The following EBF1 variants were observed in gnomAD, a reference collection of about 807,000 sequenced individuals.
The protein encoded by EBF1 is transcription factor COE1.
Under a neutral mutation model 68.4 loss-of-function variants are expected in EBF1, and 10 were observed. The ratio of observed to expected loss-of-function variants is 0.15; its 90% CI spans 0.09 to 0.25. The LOEUF is 0.25. Among genes scored for constraint, EBF1 ranks in the 10% least tolerant of loss-of-function variants. EBF1 has a pLI of 1.00. For synonymous variants in EBF1, 298 were observed against 299.8 expected, an observed-to-expected ratio of 0.99 and a Z score of 0.06; for missense variants, 509 against 794.4, an observed-to-expected ratio of 0.64 and a Z score of 4.32.
At chr5:159,096,471 C>A (rs1782623063) in intron 2 of EBF1, 65 bp from the exon 3 acceptor site, 1 of 1,565,662 alleles carries the variant, frequency 6.4e-7, no homozygotes, top group East Asian at 2.3e-5. Flanking sequence ...AGCGAGTGGA[C>A]CAACTTTCGA....
At chr5:158,895,343 T>A (rs1223239482) in intron 6 of EBF1, among the ~76,000 whole-genome samples, 1 of 152,182 alleles carries the variant, frequency 6.6e-6, no homozygotes, top group East Asian at 1.9e-4. Flanking sequence ...CCTGGCAACA[T>A]AGCGAGGCCC....
chr5:158,829,762 TAG>T (rs1377483052), intron 7 of EBF1, among the ~76,000 whole-genome samples: 3 of 152,208 alleles, frequency 2.0e-5, no homozygotes, highest in African/African-American at 7.2e-5. Flanking sequence ...CGTCAAATGT[TAG>T]AGTCACAAGA....
chr5:158,976,891 G>T (rs565088314), intron 6 of EBF1, among the ~76,000 whole-genome samples: 1 of 152,256 alleles, frequency 6.6e-6, no homozygotes. Flanking sequence ...TATACATCTT[G>T]GTTCAGGCAG....
chr5:158,746,481 C>T (rs1373060314), intron 10 of EBF1, among the ~76,000 whole-genome samples: 1 of 152,094 alleles, frequency 6.6e-6, no homozygotes, highest in Non-Finnish European at 1.5e-5. Flanking sequence ...TGGGCAAAGG[C>T]CTTTAGAAAT....
intron 8 of EBF1, among the ~76,000 whole-genome samples, chr5:158,818,276 A>T (rs2127830800): frequency 6.6e-6 from 1 of 152,348 alleles, no homozygotes; most frequent in African/African-American, 2.4e-5. Context: ...ATTTCCGTAA[A>T]AACATGAAAA....
At chr5:159,092,264 G>A (rs1422935762) in intron 4 of EBF1, among the ~76,000 whole-genome samples, 2 of 152,150 alleles carry the variant, frequency 1.3e-5, no homozygotes, top group Admixed American at 6.5e-5. Flanking sequence ...GTAATGACAC[G>A]AAAACAAACT....
chr5:159,063,263 A>G lies in EBF1; in HGVS notation c.554+10133T>C, dbSNP rs945234871. Among the ~76,000 whole-genome samples, 4 of 152,186 alleles carry G rather than the reference A, an allele frequency of 2.6e-5. No homozygotes were observed. The South Asian group carries it at 6.2e-4, about 24-fold the overall frequency. On this transcript the variant is annotated intron_variant, in intron 6 of 15. Coordinates refer to ENST00000313708, the MANE Select transcript of EBF1 (RefSeq NM_024007.5). ...CACAAACAGCTAAAATTAGAATTCC[A>G]TAGTTGGAAAGGGTCTTAGAGATCT... is the stretch of plus-strand genomic sequence containing the variant.
intron 6 of EBF1, among the ~76,000 whole-genome samples, chr5:158,865,302 A>G (rs1795681225): frequency 1.3e-5 from 2 of 152,172 alleles, no homozygotes; most frequent in Admixed American, 1.3e-4. Flanking sequence ...TGGTTATGAC[A>G]TGAACTTGGT....
At chr5:159,004,979 T>C (rs190661916) in intron 6 of EBF1, among the ~76,000 whole-genome samples, 86 of 152,318 alleles carry the variant, frequency 5.6e-4, no homozygotes, top group Admixed American at 1.8e-3. Context: ...TGGAGAATTT[T>C]AGAGAGAGAA....
At chr5:158,848,090 C>T (rs1214641812) in intron 6 of EBF1, among the ~76,000 whole-genome samples, 2 of 152,174 alleles carry the variant, frequency 1.3e-5, no homozygotes, top group Non-Finnish European at 2.9e-5. Context: ...GTCCTGAGTG[C>T]TTTGCATGTA....
intron 11 of EBF1, among the ~76,000 whole-genome samples, chr5:158,725,677 G>A (rs774502911): frequency 2.6e-5 from 4 of 152,218 alleles, no homozygotes; most frequent in African/African-American, 4.8e-5. Context: ...TGGTAATGAG[G>A]AGACCATATG....
At chr5:158,952,279 A>G (rs942702096) in intron 6 of EBF1, among the ~76,000 whole-genome samples, 2 of 152,196 alleles carry the variant, frequency 1.3e-5, no homozygotes, top group Admixed American at 6.5e-5. Flanking sequence ...TAGAGAAATC[A>G]TTTGGACAAA....
chr5:158,745,399 C>A (rs1350692195), intron 10 of EBF1, among the ~76,000 whole-genome samples: 3 of 152,182 alleles, frequency 2.0e-5, no homozygotes. Flanking sequence ...CACCAAGCAT[C>A]AAAAGTGGGT....
intron 6 of EBF1, among the ~76,000 whole-genome samples, chr5:158,864,361 T>C (rs1167530850): frequency 1.3e-5 from 2 of 152,156 alleles, no homozygotes; most frequent in Non-Finnish European, 2.9e-5. Context: ...CTTACCTTTC[T>C]GCCAAGCCAA....
chr5:158,856,507 C>T (rs1031491667), intron 6 of EBF1, among the ~76,000 whole-genome samples: 1 of 152,166 alleles, frequency 6.6e-6, no homozygotes, highest in Admixed American at 6.5e-5. Context: ...TACCAATTTC[C>T]TTTGATGATG....
chr5:158,875,980 C>T (rs1339190919), intron 6 of EBF1, among the ~76,000 whole-genome samples: 2 of 152,102 alleles, frequency 1.3e-5, no homozygotes, highest in African/African-American at 4.8e-5. Context: ...CACTTCATTA[C>T]AACAACAAGA....
intron 6 of EBF1, among the ~76,000 whole-genome samples, chr5:158,882,224 C>A (rs188157045): frequency 2.6e-5 from 4 of 152,298 alleles, no homozygotes; most frequent in Admixed American, 2.6e-4. Flanking sequence ...ACATTTCAAG[C>A]AGGCTTGGCT....
intron 10 of EBF1, among the ~76,000 whole-genome samples, chr5:158,738,320 TA>T (rs1179070780): frequency 6.6e-6 from 1 of 152,228 alleles, no homozygotes; most frequent in Non-Finnish European, 1.5e-5. Flanking sequence ...CTTCTCAGGA[TA>T]AAAGAATATG....
chr5:158,793,005 G>A (rs1778951445), intron 9 of EBF1, among the ~76,000 whole-genome samples: 1 of 152,126 alleles, frequency 6.6e-6, no homozygotes, highest in African/African-American at 2.4e-5. Flanking sequence ...TAAAAATGGT[G>A]GCACAGGCTA....
Sources: allele counts gnomAD v4.1 joint callset (sites outside exome capture counted in the v4.1 genomes callset), GRCh38; gene constraint gnomAD v4.1.1; transcripts MANE v1.5; gene names NCBI Gene and HGNC (gene_info 2026-07-23, HGNC 2026-07-21).